Variants in GALNTL6 observed in about 807,000 individuals in gnomAD.
GALNTL6 encodes polypeptide N-acetylgalactosaminyltransferase like 6.
Under a neutral mutation model 73.7 loss-of-function variants are expected in GALNTL6, and 46 were observed. The ratio of observed to expected loss-of-function variants is 0.62; its 90% CI spans 0.49 to 0.80. The LOEUF is 0.80. Among genes scored for constraint, GALNTL6 ranks in the 30% least tolerant of loss-of-function variants. The pLI, the probability that GALNTL6 is intolerant of heterozygous loss-of-function variation, is 0.00. For missense variants in GALNTL6, 604 were observed against 755.0 expected (o/e 0.80, Z 2.34); for synonymous variants, 259 against 263.7 (o/e 0.98, Z 0.17).
chr4:172,165,611 A>G (rs1338267458), intron 2 of GALNTL6, among the ~76,000 whole-genome samples: 2 of 152,150 alleles, frequency 1.3e-5, no homozygotes, highest in African/African-American at 4.8e-5. Context: ...ATTTTATGAG[A>G]TGTATATTAT....
rs77578059 is a variant in GALNTL6, at chr4:172,997,386, G to A, written c.1372-11792G>A. ...CTTTCTCGGAGCCTCAGTTGCAAACGTGAATGAAAACACAGCATGGCGAGA... is the reference window on the plus strand; with the variant it reads ...CTTTCTCGGAGCCTCAGTTGCAAACATGAATGAAAACACAGCATGGCGAGA... On this transcript the variant is annotated intron_variant, in intron 10 of 12. Transcript: ENST00000506823. Among the ~76,000 whole-genome samples the A allele has an allele frequency of 3.5e-3, 532 of 152,270 alleles. 5 individuals carry two copies. The highest frequency in any genetic ancestry group is 0.015 in the South Asian group (74 of 4,826).
At chr4:172,433,608 C>T (rs1461783239) in intron 5 of GALNTL6, among the ~76,000 whole-genome samples, 4 of 152,100 alleles carry the variant, frequency 2.6e-5, no homozygotes, top group Non-Finnish European at 4.4e-5. Flanking sequence ...CTCACCTGGC[C>T]TGAAACCAAG....
intron 7 of GALNTL6, among the ~76,000 whole-genome samples, chr4:172,866,846 A>G (rs1300992077): frequency 1.3e-5 from 2 of 152,172 alleles, no homozygotes; most frequent in Non-Finnish European, 2.9e-5. Flanking sequence ...TGTCTGTAGT[A>G]TGGGCTTGTG....
intron 2 of GALNTL6, among the ~76,000 whole-genome samples, chr4:171,898,556 T>C (rs975526867): frequency 2.6e-5 from 4 of 152,098 alleles, no homozygotes; most frequent in Non-Finnish European, 4.4e-5. Flanking sequence ...ACAACTTGTA[T>C]GAATCACAAA....
At chr4:172,922,177 C>T (rs1016152073) in intron 8 of GALNTL6, among the ~76,000 whole-genome samples, 1 of 152,194 alleles carries the variant, frequency 6.6e-6, no homozygotes, top group Non-Finnish European at 1.5e-5. Flanking sequence ...CTGCCTTTCA[C>T]CTCCCGCCAT....
In GALNTL6 at chr4:172,174,781, A is replaced by G. The variant is rs78046556; in HGVS notation, c.139-54875A>G. ...AGAGTTCTTGCACACCGGGAAGCAT[A>G]CCTCGAGAAAGATGATATGTACACA... On this transcript the variant is annotated intron_variant, in intron 2 of 12. Transcript: ENST00000506823. Among the ~76,000 whole-genome samples, 945 of 152,294 alleles carry G rather than the reference A, an allele frequency of 6.2e-3. 8 individuals carry two copies. The highest frequency in any genetic ancestry group is 0.031 in the Middle Eastern group (9 of 294).
At chr4:172,417,172 A>ATG (rs201314253) in intron 5 of GALNTL6, among the ~76,000 whole-genome samples, 8,493 of 148,964 alleles carry the variant, frequency 0.057, 592 homozygotes, top group African/African-American at 0.17. Context: ...CTGTTGCTTT[A>ATG]TGTGTGTGTG....
chr4:172,721,437 TAG>T (rs564214367), intron 5 of GALNTL6, among the ~76,000 whole-genome samples: 107 of 152,320 alleles, frequency 7.0e-4, no homozygotes, highest in African/African-American at 2.2e-3. Flanking sequence ...GTATTAAAAT[TAG>T]AGTTTCTTTA....
At chr4:172,209,494 A>T (rs898349970) in intron 2 of GALNTL6, among the ~76,000 whole-genome samples, 2 of 152,016 alleles carry the variant, frequency 1.3e-5, no homozygotes, top group African/African-American at 2.4e-5. Context: ...TTTAAAAAAT[A>T]ATACATACTT....
At chr4:171,848,925 C>CT (rs149759600) in intron 2 of GALNTL6, among the ~76,000 whole-genome samples, 78 of 148,680 alleles carry the variant, frequency 5.2e-4, no homozygotes, top group African/African-American at 1.8e-3. Flanking sequence ...GAACTTTTCC[C>CT]TTTTTTTTTT....
At chr4:171,955,622 G>A (rs2111038368) in intron 2 of GALNTL6, among the ~76,000 whole-genome samples, 1 of 152,098 alleles carries the variant, frequency 6.6e-6, no homozygotes, top group East Asian at 1.9e-4. Flanking sequence ...TTGTTATACT[G>A]TATCGTTCAG....
chr4:172,592,715 T>G (rs1250368777), intron 5 of GALNTL6, among the ~76,000 whole-genome samples: 9 of 149,906 alleles, frequency 6.0e-5, no homozygotes, highest in Admixed American at 2.0e-4. Context: ...TATCTATCTA[T>G]CGAGAGAGAC....
chr4:171,999,686 T>C (rs1740611658), intron 2 of GALNTL6, among the ~76,000 whole-genome samples: 1 of 152,172 alleles, frequency 6.6e-6, no homozygotes, highest in South Asian at 2.1e-4. Flanking sequence ...AACATTTATA[T>C]TAGCTTTATT....
At chr4:172,829,354 T>A (rs538501408) in intron 7 of GALNTL6, among the ~76,000 whole-genome samples, 19 of 152,316 alleles carry the variant, frequency 1.2e-4, no homozygotes, top group African/African-American at 4.3e-4. Flanking sequence ...TCAGTATTGG[T>A]AGGGATACTC....
Position 172,468,460 on chromosome 4 carries a change from A to C in GALNTL6, c.553+119771A>C, listed in dbSNP as rs533787290. On this transcript the variant is annotated intron_variant, in intron 5 of 12. Transcript: ENST00000506823. ...TACTATATGACTGTTATTGTTATAT[A>C]ATCTATTGGGTACAAATGAAATGAA... Among the ~76,000 whole-genome samples the C allele has an allele frequency of 2.4e-4, 36 of 152,348 alleles. No homozygotes were observed. In the South Asian group the frequency reaches 7.0e-3, roughly 30 times the overall value.
intron 3 of GALNTL6, among the ~76,000 whole-genome samples, chr4:172,283,153 T>C (rs1381224477): frequency 6.6e-6 from 1 of 152,194 alleles, no homozygotes; most frequent in African/African-American, 2.4e-5. Flanking sequence ...AGGAATTTCA[T>C]TTCTTCACAC....
At chr4:172,552,590 A>G (rs1198239750) in intron 5 of GALNTL6, among the ~76,000 whole-genome samples, 3 of 152,074 alleles carry the variant, frequency 2.0e-5, no homozygotes, top group Admixed American at 1.3e-4. Context: ...CAAACATTGA[A>G]AGACAAAATA....
intron 5 of GALNTL6, among the ~76,000 whole-genome samples, chr4:172,449,616 C>T (rs897104444): frequency 7.9e-5 from 12 of 152,202 alleles, no homozygotes; most frequent in African/African-American, 2.9e-4. Flanking sequence ...TTTTGATTTT[C>T]TGTCTACAAC....
chr4:172,606,681 T>TATATAGTATAC (rs1738313214), intron 5 of GALNTL6, among the ~76,000 whole-genome samples: 1 of 87,962 alleles, frequency 1.1e-5, no homozygotes, highest in African/African-American at 3.5e-5. Context: ...ATATACTATA[T>TATATAGTATAC]ATATAGTATA....
Sources: allele counts gnomAD v4.1 joint callset (sites outside exome capture counted in the v4.1 genomes callset), GRCh38; gene constraint gnomAD v4.1.1; transcripts MANE v1.5; gene names NCBI Gene and HGNC (gene_info 2026-07-23, HGNC 2026-07-21).